Variants in MARCHF1 observed in about 807,000 individuals in gnomAD.
MARCHF1 encodes membrane associated ring-CH-type finger 1, also known as E3 ubiquitin-protein ligase MARCHF1.
A neutral mutation model predicts 54.2 loss-of-function variants in MARCHF1; 40 were observed. The observed-to-expected ratio is 0.74, with a 90% confidence interval of 0.57 to 0.96. The LOEUF is 0.96. Ranked by LOEUF, MARCHF1 falls within the 40% of genes least tolerant of loss-of-function variation. MARCHF1 has a pLI of 0.00. For missense variants in MARCHF1, 586 were observed against 656.5 expected, an observed-to-expected ratio of 0.89 and a Z score of 1.17; for synonymous variants, 236 against 236.3, an observed-to-expected ratio of 1.00 and a Z score of 0.01.
At chr4:163,906,882 G>A (rs1751080846) in intron 3 of MARCHF1, among the ~76,000 whole-genome samples, 1 of 151,254 alleles carries the variant, frequency 6.6e-6, no homozygotes, top group African/African-American at 2.4e-5. Context: ...TAATGTTATT[G>A]TATGCTTTTG....
chr4:164,270,233 C>G (rs1161016038), intron 1 of MARCHF1, among the ~76,000 whole-genome samples: 1 of 152,180 alleles, frequency 6.6e-6, no homozygotes, highest in African/African-American at 2.4e-5. Context: ...GTTACTGCAT[C>G]TGCCTGGAAC....
At chr4:163,580,265 A>T (rs1349267103) in intron 8 of MARCHF1, among the ~76,000 whole-genome samples, 1 of 151,910 alleles carries the variant, frequency 6.6e-6, no homozygotes, top group Non-Finnish European at 1.5e-5. Context: ...TTTTTAGTAA[A>T]GATGGGGTTT....
At chr4:164,081,196 AGACG>A (rs1251293641) in intron 2 of MARCHF1, among the ~76,000 whole-genome samples, 1 of 84,744 alleles carries the variant, frequency 1.2e-5, no homozygotes, top group Non-Finnish European at 2.4e-5. Flanking sequence ...CGACAGAGCC[AGACG>A]CTGTCTCAAA....
chr4:163,931,415 G>C (rs1310810616), intron 3 of MARCHF1, among the ~76,000 whole-genome samples: 1 of 152,052 alleles, frequency 6.6e-6, no homozygotes, highest in Non-Finnish European at 1.5e-5. Flanking sequence ...AAGGTATTTA[G>C]ATCATGAGGG....
chr4:163,563,179 T>C (rs1739528261), intron 8 of MARCHF1, among the ~76,000 whole-genome samples: 1 of 152,250 alleles, frequency 6.6e-6, no homozygotes, highest in South Asian at 2.1e-4. Context: ...TGACACTTGC[T>C]TTCTATTTTA....
chr4:164,094,739 T>G (rs954151144), intron 2 of MARCHF1, among the ~76,000 whole-genome samples: 1 of 152,162 alleles, frequency 6.6e-6, no homozygotes, highest in African/African-American at 2.4e-5. Context: ...TAGGTGTTGT[T>G]TGCCACTGGA....
chr4:163,704,940 T>C (rs543098006), intron 4 of MARCHF1, among the ~76,000 whole-genome samples: 1 of 151,242 alleles, frequency 6.6e-6, no homozygotes, highest in Admixed American at 6.6e-5. Flanking sequence ...ACAAAAAAAA[T>C]GATATCAGAA....
intron 7 of MARCHF1, among the ~76,000 whole-genome samples, chr4:163,603,318 TA>T (rs983333739): frequency 3.0e-5 from 4 of 134,218 alleles, no homozygotes; most frequent in Non-Finnish European, 5.2e-5. Context: ...ACAGAAAATC[TA>T]AATGTTTTAT....
intron 3 of MARCHF1, among the ~76,000 whole-genome samples, chr4:163,976,023 T>A (rs972320894): frequency 6.6e-6 from 1 of 152,112 alleles, no homozygotes; most frequent in Non-Finnish European, 1.5e-5. Flanking sequence ...ATATCTTATT[T>A]AAAAAAATAA....
At chr4:164,338,338 A>C (rs1427673236) in intron 1 of MARCHF1, among the ~76,000 whole-genome samples, 1 of 152,186 alleles carries the variant, frequency 6.6e-6, no homozygotes, top group Non-Finnish European at 1.5e-5. Context: ...ATCACAAAGG[A>C]AGGCAGCAAA....
At chr4:164,150,465 A>G (rs1579576324) in intron 1 of MARCHF1, among the ~76,000 whole-genome samples, 2 of 152,260 alleles carry the variant, frequency 1.3e-5, no homozygotes, top group East Asian at 3.9e-4. Context: ...TCTCATGGAG[A>G]ACAGGTATTC....
At chr4:163,815,407 T>G (rs916341620) in intron 4 of MARCHF1, among the ~76,000 whole-genome samples, 1 of 152,242 alleles carries the variant, frequency 6.6e-6, no homozygotes, top group Admixed American at 6.5e-5. Flanking sequence ...GTGCATCTAT[T>G]ATGAGTAATG....
At chr4:163,578,632 T>C (rs1740115957) in intron 8 of MARCHF1, among the ~76,000 whole-genome samples, 1 of 152,136 alleles carries the variant, frequency 6.6e-6, no homozygotes, top group Admixed American at 6.5e-5. Flanking sequence ...GTTTATAAAG[T>C]TTTTGGCTTT....
intron 4 of MARCHF1, among the ~76,000 whole-genome samples, chr4:163,847,549 C>CTTTTTT (rs747963284): frequency 9.4e-5 from 6 of 63,672 alleles, no homozygotes; most frequent in African/African-American, 4.1e-4. Flanking sequence ...TTACAGTTTG[C>CTTTTTT]TTTTTTTTTT....
chr4:164,243,466 A>G (rs879389619), intron 1 of MARCHF1, among the ~76,000 whole-genome samples: 3 of 152,188 alleles, frequency 2.0e-5, no homozygotes, highest in Non-Finnish European at 2.9e-5. Flanking sequence ...AGCACTAAAC[A>G]TGGAAAGGAA....
chr4:164,181,677 C>A (rs549963056), intron 1 of MARCHF1, among the ~76,000 whole-genome samples: 1 of 152,042 alleles, frequency 6.6e-6, no homozygotes, highest in Non-Finnish European at 1.5e-5. Context: ...ATTTTTAGTA[C>A]GATGAAATAG....
chr4:164,045,466 T>A (rs1437160093), intron 2 of MARCHF1, among the ~76,000 whole-genome samples: 3 of 151,674 alleles, frequency 2.0e-5, no homozygotes, highest in Admixed American at 1.3e-4. Flanking sequence ...GAGCCAAGAT[T>A]GTGACACTGC....
At chr4:163,966,808 T>C (rs1382842450) in intron 3 of MARCHF1, among the ~76,000 whole-genome samples, 2 of 152,118 alleles carry the variant, frequency 1.3e-5, no homozygotes, top group Non-Finnish European at 2.9e-5. Flanking sequence ...TTTGTTTACT[T>C]TAGAGCTCCA....
intron 1 of MARCHF1, among the ~76,000 whole-genome samples, chr4:164,137,507 T>G (rs963119962): frequency 1.3e-5 from 2 of 152,318 alleles, no homozygotes; most frequent in Non-Finnish European, 2.9e-5. Flanking sequence ...CAACCTGTTT[T>G]CACGATATTA....
Sources: gnomAD v4.1 joint callset for allele counts (sites outside exome capture counted in the v4.1 genomes callset) on GRCh38, gnomAD v4.1.1 for gene constraint, MANE v1.5 for transcripts, NCBI Gene and HGNC (gene_info 2026-07-23, HGNC 2026-07-21) for gene names.